The following GSTM1 variants were observed in gnomAD, a reference collection of about 807,000 sequenced individuals.
GSTM1 encodes GST HB subunit 4.
In GSTM1, 6 loss-of-function variants were observed where a neutral mutation model predicts 17.3. The observed-to-expected ratio is 0.35, with a 90% CI of 0.19 to 0.68. The LOEUF (loss-of-function observed/expected upper bound fraction) is 0.68, where lower values mean the gene tolerates loss of function less well. Among genes scored for constraint, GSTM1 ranks in the 30% least tolerant of loss-of-function variants. The probability of loss-of-function intolerance (pLI) is 0.65; values close to 1 mark genes in which losing one functional copy is unlikely to be tolerated. For synonymous variants in GSTM1, 20 were observed against 53.6 expected (o/e 0.37, Z 2.74); for missense variants, 62 against 155.9 (o/e 0.40, Z 3.21).
chr1:109,689,326 G>T lies in GSTM1; in HGVS notation c.360+1G>T. 1.3e-6 allele frequency: 1 copy of T among 748,528 alleles called. No homozygotes were observed. The highest frequency in any genetic ancestry group is 1.9e-6 in the Non-Finnish European group (1 of 513,248). The allele number at this position is 748,528 out of a possible 1,614,324, so 46.4% of individuals were successfully genotyped here. On this transcript the variant is annotated splice_donor_variant, in intron 5 of 7. Transcript: ENST00000309851. LOFTEE classifies it high-confidence loss of function. ...CATGATCTGCTACAATCCAGAATTT[G>T]TGAGTGTCCCCAGTGAGCTGCATCT...
intron 7 of GSTM1, 133 bp from the exon 8 acceptor site, chr1:109,693,073 G>A: frequency 2.8e-6 from 1 of 354,206 alleles, no homozygotes; most frequent in East Asian, 5.9e-5. Flanking sequence ...AAGAAGCTGT[G>A]TGATGCCTCA....
chr1:109,688,904 G>C, intron 3 of GSTM1, 144 bp from the exon 4 acceptor site: 2 of 493,996 alleles, frequency 4.0e-6, no homozygotes, highest in South Asian at 2.1e-5. Flanking sequence ...ACCTGCATTC[G>C]TTCATGTGAC....
intron 7 of GSTM1, among the ~76,000 whole-genome samples, chr1:109,691,225 CTTTTTTTT>C (rs140454046): frequency 5.5e-5 from 1 of 18,194 alleles, no homozygotes; most frequent in African/African-American, 1.5e-4. Flanking sequence ...CACCTCTATT[CTTTTTTTT>C]TTTTTTTTTT....
Position 109,690,160 on chromosome 1 carries a change from G to T in GSTM1, c.361-111G>T. 2 of 395,366 alleles carry T rather than the reference G, an allele frequency of 5.1e-6. 1 individual carries two copies. The highest frequency in any genetic ancestry group is 9.7e-6 in the Non-Finnish European group (2 of 206,064). 24.5% of individuals were successfully genotyped at this position (395,366 alleles called of 1,614,324 possible). A position where few individuals can be genotyped will look rare whatever the true frequency, so the allele number is the denominator to read the frequency against. ...GGGCACTGCCCCAGTTCCAGCTTGGGGAAGATGGCTGCTTGCCCATGGCCA... is the reference window on the plus strand; with the variant it reads ...GGGCACTGCCCCAGTTCCAGCTTGGTGAAGATGGCTGCTTGCCCATGGCCA... On this transcript the variant is annotated intron_variant, in intron 5 of 7. Coordinates refer to ENST00000309851, the MANE Select transcript of GSTM1 (RefSeq NM_000561.4).
rs763127185 is a variant in GSTM1, at chr1:109,687,862, C to G, written c.-12C>G. 2 of 790,094 alleles carry G rather than the reference C, an allele frequency of 2.5e-6. 1 individual carries two copies. Among genetic ancestry groups the G allele is most frequent in the South Asian group, 3.7e-5 (2 of 54,542 alleles). 48.9% of individuals were successfully genotyped at this position (790,094 alleles called of 1,614,324 possible). A position where few individuals can be genotyped will look rare whatever the true frequency, so the allele number is the denominator to read the frequency against. ...TTTAGGCCTGTCTGCGGAATCCGCA[C>G]CAACCAGCACCATGCCCATGATACT... On this transcript the variant is annotated 5_prime_UTR_variant, in exon 1 of 8. Transcript: ENST00000309851.
chr1:109,692,552 G>A lies in GSTM1; in HGVS notation c.568-654G>A, dbSNP rs1468278884. Among the ~76,000 whole-genome samples, 2 of 78,374 alleles carry A rather than the reference G, an allele frequency of 2.6e-5. 1 individual carries two copies. The highest frequency in any genetic ancestry group is 6.5e-5 in the Non-Finnish European group (2 of 30,738). 51.4% of individuals were successfully genotyped at this position (78,374 alleles called of 152,430 possible). A position where few individuals can be genotyped will look rare whatever the true frequency, so the allele number is the denominator to read the frequency against. Reference sequence around the variant, plus strand: ...GCCTAGTCTCGCCTTTGATTTTCTTGTGCACTGCCACCCCCCATTCCACTT... The same window carrying A: ...GCCTAGTCTCGCCTTTGATTTTCTTATGCACTGCCACCCCCCATTCCACTT... On this transcript the variant is annotated intron_variant, in intron 7 of 7. Transcript: ENST00000309851.
chr1:109,688,005 G>T lies in GSTM1; in HGVS notation c.36+96G>T. On this transcript the variant is annotated intron_variant, in intron 1 of 7. Coordinates refer to ENST00000309851, the MANE Select transcript of GSTM1 (RefSeq NM_000561.4). ...ACTCTAGGGACCGTTCCTCTTCAGG[G>T]CTGCCCGCCTCAGAAGGGCCTGTGC... The T allele has an allele frequency of 7.0e-6, 5 of 717,070 alleles. 2 individuals are homozygous for T. The highest frequency in any genetic ancestry group is 1.0e-5 in the Non-Finnish European group (5 of 480,264). The allele number at this position is 717,070 out of a possible 1,614,324, so 44.4% of individuals were successfully genotyped here.
Position 109,691,678 on chromosome 1 carries a change from T to C in GSTM1, c.567+1114T>C, listed in dbSNP as rs1316911298. On this transcript the variant is annotated intron_variant, in intron 7 of 7. Coordinates refer to ENST00000309851, the MANE Select transcript of GSTM1 (RefSeq NM_000561.4). The stretch of plus-strand genomic sequence containing the variant: ...ATGACTGCCCCATCCTGGAAATGAG[T>C]GCAGTGAGAGGGCTGCAGGCAGAGC... Among the ~76,000 whole-genome samples the C allele has an allele frequency of 2.5e-5, 2 of 81,622 alleles. 1 individual carries two copies. The highest frequency in any genetic ancestry group is 2.6e-4 in the Admixed American group (2 of 7,758). The allele number at this position is 81,622 out of a possible 152,430, so 53.5% of individuals were successfully genotyped here.
chr1:109,688,434 CCTGT>C lies in GSTM1; in HGVS notation c.112+192_112+195del. On this transcript the variant is annotated intron_variant, in intron 2 of 7. Transcript: ENST00000309851. ...AATGCTGGGGTGGGATGCTGGGCCCCCTGTCTAATTGGGACGGGTGTCCCTCAGG... is the reference window on the plus strand; with the variant it reads ...AATGCTGGGGTGGGATGCTGGGCCCCCTAATTGGGACGGGTGTCCCTCAGG... 2 of 397,928 alleles carry C rather than the reference CCTGT, an allele frequency of 5.0e-6. 1 individual carries two copies. Among genetic ancestry groups the C allele is most frequent in the Non-Finnish European group, 9.3e-6 (2 of 215,470 alleles). 24.6% of individuals were successfully genotyped at this position (397,928 alleles called of 1,614,324 possible).
rs1293347555 is a variant in GSTM1, at chr1:109,692,062, T to C, written c.568-1144T>C. ...TGAGAACAGGCAGTCCTGGATCTTT[T>C]TTTTTTTTTTTTTTTTGAGATCGTG... On this transcript the variant is annotated intron_variant, in intron 7 of 7. Transcript: ENST00000309851. 3.1e-5 allele frequency among the ~76,000 whole-genome samples: 2 copies of C among 65,074 alleles called. 1 individual carries two copies. The highest frequency in any genetic ancestry group is 7.8e-5 in the Non-Finnish European group (2 of 25,694). 42.7% of individuals were successfully genotyped at this position (65,074 alleles called of 152,430 possible).
At chr1:109,691,437 T>C (rs1448693835) in intron 7 of GSTM1, among the ~76,000 whole-genome samples, 1 of 78,450 alleles carries the variant, frequency 1.3e-5, no homozygotes, top group African/African-American at 3.6e-5. Context: ...TTTGCCATGT[T>C]GGTCAGGCTG....
rs372969813 is a variant in GSTM1, at chr1:109,689,144, C to T, written c.259+15C>T. On this transcript the variant is annotated intron_variant, in intron 4 of 7. Coordinates refer to ENST00000309851, the MANE Select transcript of GSTM1 (RefSeq NM_000561.4). ...GCACAACCTGTGTGAGTGTGGGTGG[C>T]TGCAATGTGTGGGGGGAAGGTGGCC... 200 of 795,856 alleles carry T rather than the reference C, an allele frequency of 2.5e-4. 70 individuals carry two copies. In the African/African-American group the frequency reaches 2.7e-3, roughly 11 times the overall value. 49.3% of individuals were successfully genotyped at this position (795,856 alleles called of 1,614,324 possible).
chr1:109,688,448 A>C, intron 2 of GSTM1: 1 of 382,770 alleles, frequency 2.6e-6, no homozygotes, highest in South Asian at 2.7e-5. Context: ...TCTAATTGGG[A>C]CGGGTGTCCC....
chr1:109,688,692 C>G lies in GSTM1; in HGVS notation c.132C>G (p.Ser44Arg). The G allele has an allele frequency of 6.3e-6, 5 of 794,730 alleles. 2 individuals are homozygous for G. Among genetic ancestry groups the G allele is most frequent in the Non-Finnish European group, 9.1e-6 (5 of 551,812 alleles). The allele number at this position is 794,730 out of a possible 1,614,324, so 49.2% of individuals were successfully genotyped here. A position where few individuals can be genotyped will look rare whatever the true frequency, so the allele number is the denominator to read the frequency against. ...TMGDAPDYDR[S>R]QWLNEKFKLG... ...CCACAGCTCCTGATTATGACAGAAG[C>G]CAGTGGCTGAATGAAAAATTCAAGC... Residue 44 changes from serine (S) to arginine (R), a missense_variant, in exon 3 of 8, where the codon AGC becomes AGG. Ser to Arg is a moderately radical substitution (Grantham distance 110). Transcript: ENST00000309851.
At position 109,687,975 on chromosome 1, in the gene GSTM1, G is replaced by A. The variant is rs1647995492; in HGVS notation, c.36+66G>A. 2 of 714,284 alleles carry A rather than the reference G, an allele frequency of 2.8e-6. 1 individual carries two copies. The highest frequency in any genetic ancestry group is 4.2e-6 in the Non-Finnish European group (2 of 477,208). 44.2% of individuals were successfully genotyped at this position (714,284 alleles called of 1,614,324 possible). On this transcript the variant is annotated intron_variant, in intron 1 of 7. Coordinates refer to ENST00000309851, the MANE Select transcript of GSTM1 (RefSeq NM_000561.4). ...GGAGGGAAGTGCGAAGCAGCTGCGG[G>A]ACGGACTCTAGGGACCGTTCCTCTT...
Position 109,692,659 on chromosome 1 carries a change from C to A in GSTM1, c.568-547C>A, listed in dbSNP as rs1384658893. On this transcript the variant is annotated intron_variant, in intron 7 of 7. Coordinates refer to ENST00000309851, the MANE Select transcript of GSTM1 (RefSeq NM_000561.4). The stretch of plus-strand genomic sequence containing the variant: ...TGGAGGTCCCTTCTGTGTCTCTATA[C>A]CCAGACAAGCCAAGAGCCTCCCTGT... Among the ~76,000 whole-genome samples, 47 of 77,640 alleles carry A rather than the reference C, an allele frequency of 6.1e-4. 20 individuals carry two copies. In the South Asian group the frequency reaches 0.017, roughly 28 times the overall value. The allele number at this position is 77,640 out of a possible 152,430, so 50.9% of individuals were successfully genotyped here. A position where few individuals can be genotyped will look rare whatever the true frequency, so the allele number is the denominator to read the frequency against.
At chr1:109,692,058 CTTTTT>C (rs397894870) in intron 7 of GSTM1, among the ~76,000 whole-genome samples, 1 of 34,880 alleles carries the variant, frequency 2.9e-5, no homozygotes, top group Non-Finnish European at 7.1e-5. Context: ...AGTCCTGGAT[CTTTTT>C]TTTTTTTTTT....
At chr1:109,692,626 T>C (rs1648124642) in intron 7 of GSTM1, among the ~76,000 whole-genome samples, 1 of 77,728 alleles carries the variant, frequency 1.3e-5, no homozygotes, top group African/African-American at 3.7e-5. Context: ...AGAGCCCCTT[T>C]GTTCTGCTGG....
intron 1 of GSTM1, 128 bp downstream of exon 1, chr1:109,688,037 CTG>C: frequency 4.4e-5 from 33 of 744,878 alleles, no homozygotes; most frequent in South Asian, 5.6e-5. Context: ...GTGCATGCCG[CTG>C]TGTGTGTGTT....
Sources: gnomAD v4.1 joint callset for allele counts (sites outside exome capture counted in the v4.1 genomes callset) on GRCh38, gnomAD v4.1.1 for gene constraint, MANE v1.5 for transcripts, NCBI Gene and HGNC (gene_info 2026-07-23, HGNC 2026-07-21) for gene names.